The following TPD52L1 variants were observed in gnomAD, a reference collection of about 807,000 sequenced individuals.
TPD52L1 encodes the protein TPD52 like 1.
TPD52L1 carries 18 observed loss-of-function variants against 28.7 expected under a neutral mutation model. The ratio of observed to expected loss-of-function variants is 0.63; its 90% CI spans 0.43 to 0.93. TPD52L1 has a LOEUF of 0.93. TPD52L1 is among the 40% of genes least tolerant of loss of function. The pLI, the probability that TPD52L1 is intolerant of heterozygous loss-of-function variation, is 0.00. For missense variants in TPD52L1, 203 were observed against 254.8 expected, an observed-to-expected ratio of 0.80 and a Z score of 1.39; for synonymous variants, 75 against 88.8, an observed-to-expected ratio of 0.84 and a Z score of 0.88.
At chr6:125,178,179 T>A (rs1321056042) in intron 1 of TPD52L1, among the ~76,000 whole-genome samples, 1 of 152,250 alleles carries the variant, frequency 6.6e-6, no homozygotes, top group Non-Finnish European at 1.5e-5. Flanking sequence ...TTTGCTTTAT[T>A]TATTTCTTCA....
intron 1 of TPD52L1, 144 bp from the exon 2 acceptor site, chr6:125,219,931 TAGG>T (rs1582954809): frequency 5.7e-6 from 4 of 703,804 alleles, no homozygotes; most frequent in Non-Finnish European, 1.0e-5. Flanking sequence ...GTCACACATT[TAGG>T]AGGATTTTTG....
intron 1 of TPD52L1, among the ~76,000 whole-genome samples, chr6:125,206,938 C>T (rs1014478996): frequency 6.6e-6 from 1 of 152,156 alleles, no homozygotes; most frequent in Non-Finnish European, 1.5e-5. Context: ...CTCATGCAGT[C>T]TGGTAGTTTG....
intron 1 of TPD52L1, among the ~76,000 whole-genome samples, chr6:125,213,800 T>C (rs73771273): frequency 0.059 from 9,012 of 152,180 alleles, 561 homozygotes; most frequent in African/African-American, 0.15. Flanking sequence ...TATTCCTTCC[T>C]AGAGTTCAAA....
At chr6:125,220,784 C>T (rs899810926) in intron 2 of TPD52L1, among the ~76,000 whole-genome samples, 1 of 152,128 alleles carries the variant, frequency 6.6e-6, no homozygotes, top group Non-Finnish European at 1.5e-5. Context: ...ATGTCAGGCT[C>T]ATTATGAATA....
At chr6:125,194,716 A>G (rs1235351272) in intron 1 of TPD52L1, among the ~76,000 whole-genome samples, 3 of 152,226 alleles carry the variant, frequency 2.0e-5, no homozygotes, top group Non-Finnish European at 4.4e-5. Context: ...CCAAACTCAG[A>G]CAATATTACC....
intron 3 of TPD52L1, among the ~76,000 whole-genome samples, chr6:125,232,343 GA>G (rs1796002456): frequency 6.6e-6 from 1 of 152,162 alleles, no homozygotes; most frequent in Admixed American, 6.5e-5. Context: ...CTTGGTTGTT[GA>G]GGGAAGGCAG....
At chr6:125,226,996 A>C (rs1218721744) in intron 2 of TPD52L1, among the ~76,000 whole-genome samples, 2 of 152,210 alleles carry the variant, frequency 1.3e-5, no homozygotes, top group Non-Finnish European at 2.9e-5. Context: ...CTTTTACAGT[A>C]ATCAGTGTAT....
intron 1 of TPD52L1, among the ~76,000 whole-genome samples, chr6:125,179,163 G>C (rs2114813634): frequency 6.6e-6 from 1 of 152,278 alleles, no homozygotes; most frequent in Non-Finnish European, 1.5e-5. Flanking sequence ...CCTGAAATGT[G>C]GACACAATTT....
At chr6:125,165,998 T>C (rs1790877167) in intron 1 of TPD52L1, among the ~76,000 whole-genome samples, 1 of 152,216 alleles carries the variant, frequency 6.6e-6, no homozygotes. Context: ...ATTTGTATCC[T>C]TTAGATGTTG....
intron 5 of TPD52L1, among the ~76,000 whole-genome samples, chr6:125,256,615 A>T (rs1797618123): frequency 6.6e-6 from 1 of 152,246 alleles, no homozygotes; most frequent in African/African-American, 2.4e-5. Context: ...CTATTTCTGA[A>T]TTGTCTCACA....
intron 1 of TPD52L1, among the ~76,000 whole-genome samples, chr6:125,188,149 A>T (rs1792773769): frequency 6.6e-6 from 1 of 152,188 alleles, no homozygotes; most frequent in Non-Finnish European, 1.5e-5. Context: ...TCAGCTTCTT[A>T]GGTTTTGGAA....
In TPD52L1 at chr6:125,220,188, G is replaced by C; in HGVS notation, c.130G>C (p.Val44Leu). 1 of 1,601,730 alleles carries C rather than the reference G, an allele frequency of 6.2e-7. No homozygotes were observed. Among genetic ancestry groups the C allele is most frequent in the South Asian group, 1.1e-5 (1 of 90,778 alleles). ...AAAGGAAGAGTTAAAAGCAGAGTTAGTTCAGGTATGTTTAGTAATCTTATT... is the reference window on the plus strand; with the variant it reads ...AAAGGAAGAGTTAAAAGCAGAGTTACTTCAGGTATGTTTAGTAATCTTATT... ...EEKEELKAELVQLEDEITTLR... is the reference protein window; with the variant it reads ...EEKEELKAELLQLEDEITTLR... The change falls in exon 2 of 7, where the codon GTT becomes CTT. Residue 44 changes from valine to leucine, a missense_variant. Transcript: ENST00000534000.
chr6:125,229,376 A>G (rs1795809119), intron 3 of TPD52L1, 110 bp downstream of exon 3: 2 of 1,107,166 alleles, frequency 1.8e-6, no homozygotes, highest in African/African-American at 1.6e-5. Context: ...AAGCTAGGAA[A>G]AAAAAATACT....
chr6:125,179,034 A>G (rs1314597088), intron 1 of TPD52L1, among the ~76,000 whole-genome samples: 1 of 152,242 alleles, frequency 6.6e-6, no homozygotes, highest in Admixed American at 6.5e-5. Context: ...TAATGTAAAC[A>G]GACTTCCCAC....
chr6:125,154,032 T>C, intron 1 of TPD52L1, 62 bp downstream of exon 1: 1 of 1,561,678 alleles, frequency 6.4e-7, no homozygotes, highest in Non-Finnish European at 8.7e-7. Context: ...GCTCTTTTCC[T>C]GCACCACCTA....
At chr6:125,234,713 T>C (rs1252333576) in intron 3 of TPD52L1, among the ~76,000 whole-genome samples, 1 of 152,146 alleles carries the variant, frequency 6.6e-6, no homozygotes, top group African/African-American at 2.4e-5. Flanking sequence ...TTGAATATTA[T>C]TGCACATAGT....
chr6:125,156,642 T>C (rs940829500), intron 1 of TPD52L1, among the ~76,000 whole-genome samples: 2 of 151,914 alleles, frequency 1.3e-5, no homozygotes, highest in African/African-American at 2.4e-5. Context: ...TGGTGGTGCG[T>C]GCCTGTATCC....
At chr6:125,252,018 G>T (rs769747474) in intron 4 of TPD52L1, 229 of 1,535,974 alleles carry the variant, frequency 1.5e-4, no homozygotes, top group Middle Eastern at 5.0e-4. Flanking sequence ...CTTCCGGGCT[G>T]CAGGTCTCAC....
At chr6:125,158,125 A>G (rs1261887304) in intron 1 of TPD52L1, among the ~76,000 whole-genome samples, 1 of 152,178 alleles carries the variant, frequency 6.6e-6, no homozygotes, top group Non-Finnish European at 1.5e-5. Flanking sequence ...ACCTACCTAG[A>G]TAATCCAGGA....
Sources: gnomAD v4.1 joint callset for allele counts (sites outside exome capture counted in the v4.1 genomes callset) on GRCh38, gnomAD v4.1.1 for gene constraint, MANE v1.5 for transcripts, NCBI Gene and HGNC (gene_info 2026-07-23, HGNC 2026-07-21) for gene names.